The following ANKFN1 variants were observed in gnomAD, a reference collection of about 807,000 sequenced individuals.
ANKFN1 encodes ankyrin repeat and fibronectin type-III domain-containing protein 1.
In ANKFN1, 74 loss-of-function variants were observed where a neutral mutation model predicts 108.7. The ratio of observed to expected loss-of-function variants is 0.68; its 90% CI spans 0.56 to 0.83. The LOEUF (loss-of-function observed/expected upper bound fraction) is 0.83, where lower values mean the gene tolerates loss of function less well. Among genes scored for constraint, ANKFN1 ranks in the 40% least tolerant of loss-of-function variants. ANKFN1 has a pLI of 0.00. For synonymous variants in ANKFN1, 547 were observed against 516.2 expected (o/e 1.06, Z -0.81); for missense variants, 1,505 against 1,382.3 (o/e 1.09, Z -1.41).
chr17:56,496,096 TG>T (rs2051193472), intron 19 of ANKFN1, among the ~76,000 whole-genome samples: 1 of 152,088 alleles, frequency 6.6e-6, no homozygotes, highest in South Asian at 2.1e-4. Context: ...TAAGGTAAAA[TG>T]GGTGAAAATT....
At chr17:56,451,009 GA>G (rs1782237409) in intron 11 of ANKFN1, among the ~76,000 whole-genome samples, 1 of 152,136 alleles carries the variant, frequency 6.6e-6, no homozygotes, top group Admixed American at 6.5e-5. Flanking sequence ...GCATAAGGTA[GA>G]ACTTTCCAAA....
intron 8 of ANKFN1, among the ~76,000 whole-genome samples, chr17:56,395,309 C>T (rs1202040355): frequency 6.6e-6 from 1 of 152,074 alleles, no homozygotes; most frequent in Non-Finnish European, 1.5e-5. Flanking sequence ...TGGGGTAAAA[C>T]GTGGGGTGAG....
chr17:56,272,657 C>T (rs964911152), intron 3 of ANKFN1, among the ~76,000 whole-genome samples: 9 of 152,126 alleles, frequency 5.9e-5, no homozygotes, highest in Non-Finnish European at 1.3e-4. Context: ...TGAGACCATG[C>T]TTTCAATTCT....
chr17:56,351,863 T>G (rs1471805559), intron 5 of ANKFN1, among the ~76,000 whole-genome samples: 1 of 152,194 alleles, frequency 6.6e-6, no homozygotes, highest in African/African-American at 2.4e-5. Context: ...CACCATTTGT[T>G]TGCTCTTAAA....
intron 8 of ANKFN1, among the ~76,000 whole-genome samples, chr17:56,380,403 C>T (rs1387159922): frequency 6.6e-6 from 1 of 152,186 alleles, no homozygotes; most frequent in Non-Finnish European, 1.5e-5. Flanking sequence ...GTACCGTGTT[C>T]ATCTCACTAG....
chr17:56,345,873 G>A (rs1034337648), intron 4 of ANKFN1, among the ~76,000 whole-genome samples: 6 of 152,062 alleles, frequency 3.9e-5, no homozygotes. Context: ...CTTTTGCTGT[G>A]CGGAAGCTCT....
At chr17:56,383,755 A>G (rs1200953111) in intron 8 of ANKFN1, among the ~76,000 whole-genome samples, 1 of 152,192 alleles carries the variant, frequency 6.6e-6, no homozygotes, top group African/African-American at 2.4e-5. Flanking sequence ...TCCTGGACAC[A>G]TACACTCTCC....
chr17:56,490,171 C>T (rs1314328235), intron 18 of ANKFN1, among the ~76,000 whole-genome samples: 2 of 152,008 alleles, frequency 1.3e-5, no homozygotes, highest in African/African-American at 4.8e-5. Context: ...AATCTAATGC[C>T]AAGGCAGTAA....
intron 1 of ANKFN1, among the ~76,000 whole-genome samples, chr17:56,154,488 C>T (rs568085852): frequency 6.6e-6 from 1 of 151,794 alleles, no homozygotes; most frequent in East Asian, 1.9e-4. Flanking sequence ...CTCTCTTTTC[C>T]TTCCTTTCTT....
intron 6 of ANKFN1, among the ~76,000 whole-genome samples, chr17:56,361,241 T>C (rs965655626): frequency 6.6e-6 from 1 of 152,130 alleles, no homozygotes; most frequent in African/African-American, 2.4e-5. Flanking sequence ...AGATTATAGA[T>C]AAAGTTAAAA....
intron 8 of ANKFN1, among the ~76,000 whole-genome samples, chr17:56,413,401 T>C (rs2048152902): frequency 1.3e-5 from 2 of 152,188 alleles, no homozygotes; most frequent in Admixed American, 6.5e-5. Context: ...TCCTCCTATT[T>C]GGATGCCCTT....
chr17:56,183,684 T>C (rs1160489429), intron 1 of ANKFN1, among the ~76,000 whole-genome samples: 3 of 152,150 alleles, frequency 2.0e-5, no homozygotes, highest in African/African-American at 7.2e-5. Context: ...ATGCTTCCTA[T>C]ACAGCCTGAA....
chr17:56,239,759 G>T (rs2143988910), intron 3 of ANKFN1, among the ~76,000 whole-genome samples: 1 of 152,146 alleles, frequency 6.6e-6, no homozygotes, highest in African/African-American at 2.4e-5. Flanking sequence ...AATTCACATG[G>T]TTCAAGTCTT....
chr17:56,448,010 A>C (rs1312850855), intron 10 of ANKFN1, among the ~76,000 whole-genome samples: 2 of 152,186 alleles, frequency 1.3e-5, no homozygotes, highest in Non-Finnish European at 2.9e-5. Flanking sequence ...CATGACATCT[A>C]ATTAAGTTTC....
At chr17:56,436,412 A>G (rs898882745) in intron 8 of ANKFN1, among the ~76,000 whole-genome samples, 2 of 152,160 alleles carry the variant, frequency 1.3e-5, no homozygotes. Flanking sequence ...AAACATTACA[A>G]GTTTTGTATA....
chr17:56,418,251 G>A (rs1832984458), intron 8 of ANKFN1, among the ~76,000 whole-genome samples: 1 of 152,184 alleles, frequency 6.6e-6, no homozygotes. Context: ...TAACAAAGGC[G>A]AAGGATGTGT....
At chr17:56,056,471 T>C (rs1263440626) in intron 4 of ANKFN1, among the ~76,000 whole-genome samples, 1 of 150,110 alleles carries the variant, frequency 6.7e-6, no homozygotes, top group Non-Finnish European at 1.5e-5. Flanking sequence ...GATATAAAAA[T>C]AGACACATAG....
chr17:56,149,083 C>G (rs1488398542), upstream of ANKFN1, among the ~76,000 whole-genome samples: 2 of 152,132 alleles, frequency 1.3e-5, no homozygotes, highest in Non-Finnish European at 2.9e-5. Context: ...TATTCTCTTT[C>G]TGTTGCCTGA....
At chr17:56,338,035 A>G (rs2144604562) in intron 4 of ANKFN1, among the ~76,000 whole-genome samples, 1 of 152,330 alleles carries the variant, frequency 6.6e-6, no homozygotes, top group African/African-American at 2.4e-5. Flanking sequence ...TCACAATAGC[A>G]AAGACTTGGA....
Sources: gnomAD v4.1 joint callset for allele counts (sites outside exome capture counted in the v4.1 genomes callset) on GRCh38, gnomAD v4.1.1 for gene constraint, MANE v1.5 for transcripts, NCBI Gene and HGNC (gene_info 2026-07-23, HGNC 2026-07-21) for gene names.